Variants in PEPD observed in about 807,000 individuals in gnomAD.
PEPD encodes the protein peptidase D.
In PEPD, 53 loss-of-function variants were observed where a neutral mutation model predicts 60.7. The observed-to-expected ratio is 0.87, with a 90% CI of 0.70 to 1.10. The LOEUF (loss-of-function observed/expected upper bound fraction) is 1.10. Among genes scored for constraint, PEPD ranks in the 50% least tolerant of loss-of-function variants. The pLI is 0.00. For synonymous variants in PEPD, 267 were observed against 284.1 expected (o/e 0.94, Z 0.60); for missense variants, 711 against 711.9 (o/e 1.00, Z 0.01).
chr19:33,448,539 C>T (rs1056232167), intron 9 of PEPD, among the ~76,000 whole-genome samples: 2 of 150,364 alleles, frequency 1.3e-5, no homozygotes, highest in African/African-American at 2.4e-5. Context: ...CTTTTTTTTT[C>T]CCCAGAGCTC....
At chr19:33,401,162 C>T (rs909683158) in intron 12 of PEPD, among the ~76,000 whole-genome samples, 2 of 152,230 alleles carry the variant, frequency 1.3e-5, no homozygotes, top group African/African-American at 4.8e-5. Flanking sequence ...CTGGCCTCAA[C>T]ATGGCCATCA....
At chr19:33,415,598 C>T (rs1317399409) in intron 9 of PEPD, among the ~76,000 whole-genome samples, 1 of 152,174 alleles carries the variant, frequency 6.6e-6, no homozygotes, top group Non-Finnish European at 1.5e-5. Flanking sequence ...AGCAAGCTTC[C>T]CCCTGCATAA....
chr19:33,521,663 C>G (rs529887506), intron 1 of PEPD, 81 bp downstream of exon 1: 3 of 1,423,446 alleles, frequency 2.1e-6, no homozygotes, highest in African/African-American at 2.8e-5. Context: ...CCCCGGCTGA[C>G]GCTCTCACCC....
intron 3 of PEPD, among the ~76,000 whole-genome samples, chr19:33,507,891 G>A (rs1452136417): frequency 3.3e-5 from 5 of 152,102 alleles, no homozygotes; most frequent in Admixed American, 1.3e-4. Flanking sequence ...AGGCCTGCTC[G>A]GGGTGGCTGT....
At chr19:33,516,178 C>T (rs939962735) in intron 1 of PEPD, among the ~76,000 whole-genome samples, 1 of 152,100 alleles carries the variant, frequency 6.6e-6, no homozygotes, top group Non-Finnish European at 1.5e-5. Flanking sequence ...CCTTTGATTT[C>T]CCATGGCATA....
At chr19:33,436,334 C>T (rs1969375726) in intron 9 of PEPD, among the ~76,000 whole-genome samples, 1 of 152,122 alleles carries the variant, frequency 6.6e-6, no homozygotes, top group Admixed American at 6.5e-5. Flanking sequence ...GGCAGCCTTC[C>T]CAGCAGGCCC....
chr19:33,474,550 T>C (rs185779936), intron 7 of PEPD, among the ~76,000 whole-genome samples: 132 of 152,170 alleles, frequency 8.7e-4, no homozygotes, highest in African/African-American at 3.0e-3. Context: ...TAGCCGGGCA[T>C]GGTGGTGCGC....
At chr19:33,506,558 C>T (rs1402701429) in intron 3 of PEPD, among the ~76,000 whole-genome samples, 1 of 146,732 alleles carries the variant, frequency 6.8e-6, no homozygotes, top group Non-Finnish European at 1.5e-5. Flanking sequence ...CACACACACA[C>T]TTCCATCACA....
At position 33,478,185 on chromosome 19, in the gene PEPD, A is replaced by C; in HGVS notation, c.504-95T>G. On this transcript the variant is annotated intron_variant, in intron 6 of 14. Transcript: ENST00000244137. ...TCAAGACATGCACACGTGATGCATT[A>C]AAGAGGGTCCCACACTTTAATTTCA... 7 of 809,240 alleles carry C rather than the reference A, an allele frequency of 8.7e-6. No individual in the cohort carries two copies. In the South Asian group the frequency reaches 8.7e-5, roughly 10 times the overall value. 50.1% of individuals were successfully genotyped at this position (809,240 alleles called of 1,614,324 possible). A position where few individuals can be genotyped will look rare whatever the true frequency, so the allele number is the denominator to read the frequency against.
chr19:33,387,658 G>C, intron 14 of PEPD, 177 bp from the exon 15 acceptor site: 1 of 864,656 alleles, frequency 1.2e-6, no homozygotes, highest in Non-Finnish European at 1.9e-6. Context: ...TGCTCACCCT[G>C]TCTTTGCCAG....
chr19:33,419,875 G>A (rs942550688), intron 9 of PEPD, among the ~76,000 whole-genome samples: 22 of 152,130 alleles, frequency 1.4e-4, no homozygotes, highest in Admixed American at 9.8e-4. Context: ...GGCCTGGGAT[G>A]CTGAGGCCCC....
At chr19:33,477,458 C>T (rs1970237817) in intron 7 of PEPD, among the ~76,000 whole-genome samples, 1 of 152,244 alleles carries the variant, frequency 6.6e-6, no homozygotes, top group Non-Finnish European at 1.5e-5. Context: ...TGCCTTGCTG[C>T]TGTCAAAGAG....
chr19:33,521,117 G>T (rs1971122518), intron 1 of PEPD, among the ~76,000 whole-genome samples: 1 of 152,182 alleles, frequency 6.6e-6, no homozygotes. Context: ...CTTTCATTTA[G>T]CCCAGTATGG....
intron 11 of PEPD, 86 bp from the exon 12 acceptor site, chr19:33,401,955 AG>A: frequency 7.3e-7 from 1 of 1,366,738 alleles, no homozygotes; most frequent in African/African-American, 1.4e-5. Flanking sequence ...CCTGGACTCG[AG>A]GGCAGCTGGC....
At chr19:33,406,015 G>A (rs1416373213) in intron 11 of PEPD, among the ~76,000 whole-genome samples, 7 of 152,216 alleles carry the variant, frequency 4.6e-5, no homozygotes, top group African/African-American at 1.2e-4. Context: ...ACAGAGGCAC[G>A]GCACCAGTGA....
At chr19:33,396,690 G>GCGGGGAGGC (rs1864525975) in intron 12 of PEPD, among the ~76,000 whole-genome samples, 1 of 151,554 alleles carries the variant, frequency 6.6e-6, no homozygotes, top group South Asian at 2.1e-4. Context: ...GTAGAGAAAG[G>GCGGGGAGGC]CGGGGAGGCC....
intron 7 of PEPD, among the ~76,000 whole-genome samples, chr19:33,466,525 C>T (rs1970019686): frequency 6.6e-6 from 1 of 152,128 alleles, no homozygotes; most frequent in Non-Finnish European, 1.5e-5. Context: ...GATAGAAGAA[C>T]AAGCTAACCA....
At chr19:33,517,454 G>C (rs768366682) in intron 1 of PEPD, among the ~76,000 whole-genome samples, 33 of 151,958 alleles carry the variant, frequency 2.2e-4, no homozygotes, top group Non-Finnish European at 2.5e-4. Context: ...AGCCACTCGG[G>C]AGGCTGAGGC....
At chr19:33,432,724 T>C (rs1044468001) in intron 9 of PEPD, among the ~76,000 whole-genome samples, 1 of 152,248 alleles carries the variant, frequency 6.6e-6, no homozygotes, top group Non-Finnish European at 1.5e-5. Context: ...CAAATCCCCC[T>C]GGACAGAAAT....
Sources: allele counts gnomAD v4.1 joint callset (sites outside exome capture counted in the v4.1 genomes callset), GRCh38; gene constraint gnomAD v4.1.1; transcripts MANE v1.5; gene names NCBI Gene and HGNC (gene_info 2026-07-23, HGNC 2026-07-21).